DACH2: variants seen among roughly 807,000 people sequenced by gnomAD.
DACH2 encodes the protein dachshund homolog 2.
A neutral mutation model predicts 35.8 loss-of-function variants in DACH2; 17 were observed. The ratio of observed to expected loss-of-function variants is 0.48; its 90% CI spans 0.33 to 0.71. The LOEUF (loss-of-function observed/expected upper bound fraction) is 0.71, where lower values mean the gene tolerates loss of function less well. Ranked by LOEUF, DACH2 falls within the 30% of genes least tolerant of loss-of-function variation. The pLI is 0.02. For synonymous variants in DACH2, 195 were observed against 177.3 expected (o/e 1.10, Z -0.79); for missense variants, 469 against 472.7 (o/e 0.99, Z 0.07).
intron 1 of DACH2, among the ~76,000 whole-genome samples, chrX:86,186,972 G>T (rs145883537): frequency 0.027 from 3,030 of 111,571 alleles, 111 homozygotes; most frequent in African/African-American, 0.094. Context: ...AGTCAAATTG[G>T]CAATTTGGGT....
intron 6 of DACH2, among the ~76,000 whole-genome samples, chrX:86,737,609 G>A (rs1466744357): frequency 9.0e-6 from 1 of 111,615 alleles, no homozygotes; most frequent in Non-Finnish European, 1.9e-5. Context: ...GTTTAACACA[G>A]TGCAAATTTA....
chrX:86,262,132 A>AC (rs1180760105), intron 1 of DACH2, among the ~76,000 whole-genome samples: 20 of 107,951 alleles, frequency 1.9e-4, no homozygotes, highest in East Asian at 5.9e-4. Flanking sequence ...GAAAAAAAAA[A>AC]ACACACACTA....
At chrX:86,472,460 G>T (rs1266284413) in intron 2 of DACH2, among the ~76,000 whole-genome samples, 1 of 111,517 alleles carries the variant, frequency 9.0e-6, no homozygotes, top group African/African-American at 3.3e-5. Flanking sequence ...TCAGACTTCT[G>T]ACCCCAGAAC....
At chrX:86,227,246 T>C (rs1184346762) in intron 1 of DACH2, among the ~76,000 whole-genome samples, 1 of 97,592 alleles carries the variant, frequency 1.0e-5, no homozygotes, top group Non-Finnish European at 2.1e-5. Flanking sequence ...CTGTTATTCA[T>C]GTGTTTGCCT....
At chrX:86,407,682 T>G (rs1243420024) in intron 2 of DACH2, among the ~76,000 whole-genome samples, 3 of 112,219 alleles carry the variant, frequency 2.7e-5, no homozygotes, top group Non-Finnish European at 5.6e-5. Context: ...TGATGCAGAT[T>G]TTTTTAAGGC....
At chrX:86,338,335 A>T (rs1042703374) in intron 1 of DACH2, among the ~76,000 whole-genome samples, 1 of 111,719 alleles carries the variant, frequency 9.0e-6, no homozygotes, top group Non-Finnish European at 1.9e-5. Flanking sequence ...TCTAGAGCAA[A>T]TCTGAAGGAA....
At chrX:86,832,018 A>C (rs190336217) in intron 11 of DACH2, 88 bp from the exon 12 acceptor site, 8 of 577,825 alleles carry the variant, frequency 1.4e-5, no homozygotes, top group Non-Finnish European at 1.9e-5. Context: ...AGATCATTTT[A>C]GGTTCCTGAA....
At chrX:86,403,365 A>G (rs1018943381) in intron 2 of DACH2, among the ~76,000 whole-genome samples, 19 of 112,112 alleles carry the variant, frequency 1.7e-4, no homozygotes, top group African/African-American at 5.8e-4. Flanking sequence ...TAAAAAATGG[A>G]CAAAGGACAT....
chrX:86,637,227 A>C (rs1309049813), intron 3 of DACH2, among the ~76,000 whole-genome samples: 16 of 91,727 alleles, frequency 1.7e-4, no homozygotes, highest in African/African-American at 5.1e-4. Flanking sequence ...AAAAAAAAAA[A>C]AAAAAAAAAA....
chrX:86,239,696 T>C (rs1456786964), intron 1 of DACH2, among the ~76,000 whole-genome samples: 2 of 112,112 alleles, frequency 1.8e-5, no homozygotes, highest in Non-Finnish European at 3.8e-5. Context: ...GGTACACATA[T>C]GCACTAATTC....
chrX:86,764,047 T>C lies in DACH2; in HGVS notation c.1240+24165T>C, dbSNP rs1056947360. On this transcript the variant is annotated intron_variant, in intron 7 of 11. Transcript: ENST00000373125. ...ACCTAATAATAATGTTCAGGTCTTG[T>C]TATTTAAATCAGAATAAAATATTAC... Among the ~76,000 whole-genome samples the C allele has an allele frequency of 3.6e-5, 4 of 111,776 alleles. No homozygotes were observed. In the Admixed American group the frequency reaches 3.8e-4, roughly 11 times the overall value.
At chrX:86,310,612 C>T (rs750327166) in intron 1 of DACH2, among the ~76,000 whole-genome samples, 1 of 111,876 alleles carries the variant, frequency 8.9e-6, no homozygotes, top group Admixed American at 9.5e-5. Context: ...GTGCACTTTG[C>T]ATGGAAGGAG....
At chrX:86,549,714 T>C (rs1321966929) in intron 3 of DACH2, among the ~76,000 whole-genome samples, 1 of 111,290 alleles carries the variant, frequency 9.0e-6, no homozygotes, top group Non-Finnish European at 1.9e-5. Flanking sequence ...AAACATTTTA[T>C]TAAATCCACA....
chrX:86,281,643 C>T (rs1443714357), intron 1 of DACH2, among the ~76,000 whole-genome samples: 1 of 111,142 alleles, frequency 9.0e-6, no homozygotes, highest in Non-Finnish European at 1.9e-5. Flanking sequence ...ATTGGAAGAT[C>T]CGGCCAGGGC....
chrX:86,491,929 C>A (rs1327756146), intron 2 of DACH2, among the ~76,000 whole-genome samples: 1 of 111,507 alleles, frequency 9.0e-6, no homozygotes, highest in East Asian at 2.8e-4. Flanking sequence ...AAATGATAGT[C>A]ATATAATTAA....
chrX:86,299,226 A>T (rs1193598252), intron 1 of DACH2, among the ~76,000 whole-genome samples: 2 of 112,071 alleles, frequency 1.8e-5, no homozygotes, highest in African/African-American at 6.5e-5. Flanking sequence ...GAGAATACGT[A>T]ATGTTGGTTG....
chrX:86,268,251 A>AG (rs1304030851), intron 1 of DACH2, among the ~76,000 whole-genome samples: 1 of 111,627 alleles, frequency 9.0e-6, no homozygotes, highest in East Asian at 2.8e-4. Context: ...GTGTTCTTTG[A>AG]GAAAAAGTAA....
At chrX:86,811,764 A>G (rs1374339063) in intron 7 of DACH2, among the ~76,000 whole-genome samples, 1 of 111,940 alleles carries the variant, frequency 8.9e-6, no homozygotes, top group Non-Finnish European at 1.9e-5. Context: ...AAATTTATCT[A>G]ATTCGTACAG....
At chrX:86,797,504 CAT>C (rs926555446) in intron 7 of DACH2, among the ~76,000 whole-genome samples, 10 of 110,858 alleles carry the variant, frequency 9.0e-5, no homozygotes, top group African/African-American at 3.3e-4. Flanking sequence ...AAAAGTGAAA[CAT>C]GTCTGTAGTG....
Sources: allele counts gnomAD v4.1 joint callset (sites outside exome capture counted in the v4.1 genomes callset), GRCh38; gene constraint gnomAD v4.1.1; transcripts MANE v1.5; gene names NCBI Gene and HGNC (gene_info 2026-07-23, HGNC 2026-07-21).